The following PRUNE2 variants were observed in gnomAD, a reference collection of about 807,000 sequenced individuals.
PRUNE2 encodes protein prune homolog 2.
Under a neutral mutation model 252.0 loss-of-function variants are expected in PRUNE2, and 164 were observed. The observed-to-expected ratio is 0.65, with a 90% confidence interval of 0.57 to 0.74. PRUNE2 has a LOEUF of 0.74. Among genes scored for constraint, PRUNE2 ranks in the 30% least tolerant of loss-of-function variants. PRUNE2 has a pLI of 0.00. For synonymous variants in PRUNE2, 1,292 were observed against 1,350.2 expected, an observed-to-expected ratio of 0.96 and a Z score of 0.94; for missense variants, 3,495 against 3,711.0, an observed-to-expected ratio of 0.94 and a Z score of 1.51.
intron 6 of PRUNE2, among the ~76,000 whole-genome samples, chr9:76,816,323 G>T (rs1026516296): frequency 6.6e-6 from 1 of 152,062 alleles, no homozygotes; most frequent in African/African-American, 2.4e-5. Flanking sequence ...CAAAGACAAA[G>T]TGCTGTTGCT....
chr9:76,891,358 A>G (rs2062462012), intron 1 of PRUNE2, among the ~76,000 whole-genome samples: 1 of 152,252 alleles, frequency 6.6e-6, no homozygotes, highest in Non-Finnish European at 1.5e-5. Flanking sequence ...AGTGACATCC[A>G]GTCACCTGTT....
chr9:76,717,225 T>C (rs938645542), intron 6 of PRUNE2, among the ~76,000 whole-genome samples: 2 of 152,232 alleles, frequency 1.3e-5, no homozygotes, highest in Admixed American at 1.3e-4. Context: ...CTTGGGATAA[T>C]GTCAAGAGTT....
At chr9:76,865,775 T>C (rs1291186587) in intron 1 of PRUNE2, among the ~76,000 whole-genome samples, 4 of 148,624 alleles carry the variant, frequency 2.7e-5, no homozygotes, top group African/African-American at 1.0e-4. Context: ...CAGGCTCTCA[T>C]TTCTCTCCCT....
At chr9:76,833,886 G>GTTTT (rs71354685) in intron 4 of PRUNE2, among the ~76,000 whole-genome samples, 1 of 141,294 alleles carries the variant, frequency 7.1e-6, no homozygotes, top group Non-Finnish European at 1.5e-5. Context: ...GGGTTTTTTT[G>GTTTT]TTTTTTTTTT....
intron 4 of PRUNE2, among the ~76,000 whole-genome samples, chr9:76,841,891 C>A (rs1437312652): frequency 1.3e-5 from 2 of 152,188 alleles, no homozygotes; most frequent in African/African-American, 4.8e-5. Flanking sequence ...TTTAAACGTT[C>A]CTGCCTGCTG....
intron 1 of PRUNE2, among the ~76,000 whole-genome samples, chr9:76,879,294 C>G (rs1000859431): frequency 1.3e-5 from 2 of 152,162 alleles, no homozygotes; most frequent in African/African-American, 4.8e-5. Flanking sequence ...CATTGCATAT[C>G]TTATGTAATA....
chr9:76,777,182 C>T (rs527708314), intron 6 of PRUNE2, among the ~76,000 whole-genome samples: 1 of 152,126 alleles, frequency 6.6e-6, no homozygotes, highest in Non-Finnish European at 1.5e-5. Flanking sequence ...TGACCCAAAG[C>T]ATGTGAAACT....
At chr9:76,725,051 C>T (rs1245642054) in intron 6 of PRUNE2, among the ~76,000 whole-genome samples, 1 of 151,942 alleles carries the variant, frequency 6.6e-6, no homozygotes, top group African/African-American at 2.4e-5. Flanking sequence ...AAAAAAAGTC[C>T]CTGTTGGCTT....
intron 9 of PRUNE2, among the ~76,000 whole-genome samples, chr9:76,700,868 G>A (rs997084038): frequency 6.6e-6 from 1 of 152,170 alleles, no homozygotes; most frequent in Non-Finnish European, 1.5e-5. Flanking sequence ...TATGTAAAGT[G>A]AAATAGCGCA....
chr9:76,867,163 C>A (rs528175415), intron 1 of PRUNE2, among the ~76,000 whole-genome samples: 1 of 152,190 alleles, frequency 6.6e-6, no homozygotes, highest in South Asian at 2.1e-4. Flanking sequence ...TTCTCCTCCC[C>A]CACCAACTGC....
At chr9:76,809,622 G>A (rs917857163) in intron 6 of PRUNE2, among the ~76,000 whole-genome samples, 1 of 152,128 alleles carries the variant, frequency 6.6e-6, no homozygotes, top group Non-Finnish European at 1.5e-5. Flanking sequence ...CTTGAACCAG[G>A]GAGGCAGAGG....
intron 6 of PRUNE2, among the ~76,000 whole-genome samples, chr9:76,723,503 TG>T (rs1413764018): frequency 2.0e-5 from 3 of 152,196 alleles, no homozygotes; most frequent in Non-Finnish European, 2.9e-5. Context: ...TGGTTTGGTT[TG>T]GTTTTTTTCC....
intron 1 of PRUNE2, among the ~76,000 whole-genome samples, chr9:76,867,437 C>G (rs2060914824): frequency 6.6e-6 from 1 of 152,096 alleles, no homozygotes. Flanking sequence ...CTCAGTGGAG[C>G]TAGAATTTAA....
At chr9:76,739,906 A>C (rs1032575029) in intron 6 of PRUNE2, 2 of 151,558 alleles carry the variant, frequency 1.3e-5, no homozygotes, top group Non-Finnish European at 2.9e-5. Context: ...CAACATAGTG[A>C]AACCCCGTCT....
At chr9:76,861,823 C>T (rs1203450001) in intron 1 of PRUNE2, among the ~76,000 whole-genome samples, 18 of 147,680 alleles carry the variant, frequency 1.2e-4, no homozygotes, top group Non-Finnish European at 2.1e-4. Context: ...TCAGGATCCT[C>T]GCTCTGACGA....
At chr9:76,627,225 T>G (rs1587809005) in intron 16 of PRUNE2, among the ~76,000 whole-genome samples, 1 of 147,974 alleles carries the variant, frequency 6.8e-6, no homozygotes, top group East Asian at 2.0e-4. Flanking sequence ...TTTAATCTCT[T>G]GAGTAGCTAG....
At chr9:76,732,769 A>C (rs2048741240) in intron 6 of PRUNE2, among the ~76,000 whole-genome samples, 1 of 152,232 alleles carries the variant, frequency 6.6e-6, no homozygotes, top group Non-Finnish European at 1.5e-5. Context: ...AATGAGAGAC[A>C]GAAGTAGACC....
intron 16 of PRUNE2, among the ~76,000 whole-genome samples, chr9:76,627,576 G>T (rs1005590873): frequency 6.6e-6 from 1 of 152,072 alleles, no homozygotes; most frequent in East Asian, 1.9e-4. Context: ...GTTTGATTCA[G>T]CTGAGCCCAG....
At chr9:76,855,495 T>C (rs892966949) in intron 1 of PRUNE2, among the ~76,000 whole-genome samples, 5 of 152,174 alleles carry the variant, frequency 3.3e-5, no homozygotes, top group Non-Finnish European at 7.3e-5. Flanking sequence ...ATCTACTACA[T>C]ATTTTACAAA....
Sources: allele counts gnomAD v4.1 joint callset (sites outside exome capture counted in the v4.1 genomes callset), GRCh38; gene constraint gnomAD v4.1.1; transcripts MANE v1.5; gene names NCBI Gene and HGNC (gene_info 2026-07-23, HGNC 2026-07-21).